Variants in FCER1A observed in about 807,000 individuals in gnomAD.
FCER1A encodes Fc epsilon receptor Ia, also known as high affinity immunoglobulin epsilon receptor subunit alpha.
Under a neutral mutation model 23.6 loss-of-function variants are expected in FCER1A, and 24 were observed. That is an observed-to-expected ratio of 1.02 (90% CI 0.74 to 1.43). The LOEUF (loss-of-function observed/expected upper bound fraction) is 1.43. FCER1A is among the 40% of genes most tolerant of loss of function. The pLI, the probability that FCER1A is intolerant of heterozygous loss-of-function variation, is 0.00. For synonymous variants in FCER1A, 121 were observed against 108.8 expected (o/e 1.11, Z -0.70); for missense variants, 318 against 294.5 (o/e 1.08, Z -0.58).
chr1:159,299,073 A>G (rs1652365088), upstream of FCER1A, among the ~76,000 whole-genome samples: 1 of 152,230 alleles, frequency 6.6e-6, no homozygotes, highest in South Asian at 2.1e-4. Flanking sequence ...CCCTGGGACA[A>G]GTTACTTAAC....
upstream of FCER1A, among the ~76,000 whole-genome samples, chr1:159,301,034 A>G (rs1245109061): frequency 6.6e-6 from 1 of 152,170 alleles, no homozygotes; most frequent in Non-Finnish European, 1.5e-5. Context: ...TAACCTTTTT[A>G]GCCCTATATT....
chr1:159,298,576 C>G (rs1209391901), upstream of FCER1A, among the ~76,000 whole-genome samples: 1 of 152,130 alleles, frequency 6.6e-6, no homozygotes, highest in Non-Finnish European at 1.5e-5. Flanking sequence ...ATCTAACAGG[C>G]AGTCAGCATC....
At chr1:159,302,820 TG>T in intron 1 of FCER1A, 33 bp from the exon 2 acceptor site, 1 of 1,606,114 alleles carries the variant, frequency 6.2e-7, no homozygotes, top group Non-Finnish European at 8.5e-7. Context: ...AGAAGACTGC[TG>T]GACACTAATG....
Position 159,303,952 on chromosome 1 carries a change from T to C in FCER1A, c.101T>C (p.Leu34Ser), listed in dbSNP as rs1652519585. 4.3e-6 allele frequency: 7 copies of C among 1,612,714 alleles called. No homozygotes were observed. Among genetic ancestry groups the C allele is most frequent in the Non-Finnish European group, 5.9e-6 (7 of 1,178,906 alleles). ...GTCCCTCAGAAACCTAAGGTCTCCT[T>C]GAACCCTCCATGGAATAGAATATTT... is the stretch of plus-strand genomic sequence containing the variant. ...LAVPQKPKVS[L>S]NPPWNRIFKG... is the part of the protein sequence containing the mutation. Residue 34 changes from leucine (L) to serine (S), a missense_variant, in exon 3 of 5, where the codon TTG (leucine) becomes TCG (serine). Coordinates refer to ENST00000693622, the MANE Select transcript of FCER1A (RefSeq NM_001387280.1).
chr1:159,299,659 A>T (rs1449953631), upstream of FCER1A, among the ~76,000 whole-genome samples: 1 of 152,150 alleles, frequency 6.6e-6, no homozygotes, highest in Admixed American at 6.5e-5. Context: ...AAATTTAGAC[A>T]CGCCCTATTG....
chr1:159,300,387 T>C (rs186339083), upstream of FCER1A, among the ~76,000 whole-genome samples: 2 of 152,212 alleles, frequency 1.3e-5, no homozygotes, highest in Non-Finnish European at 2.9e-5. Flanking sequence ...CCTGGCAAAG[T>C]CTCAACAAAC....
Position 159,308,136 on chromosome 1 carries a change from T to C in FCER1A, c.*204T>C. 1 of 437,808 alleles carries C rather than the reference T, an allele frequency of 2.3e-6. No homozygotes were observed. 27.1% of individuals were successfully genotyped at this position (437,808 alleles called of 1,614,324 possible). ...AACATTGGTTGAATAAATGAGAGAA[T>C]GAATAGATTCATTTATTAGCATTTG... On this transcript the variant is annotated 3_prime_UTR_variant, in exon 5 of 5. Coordinates refer to ENST00000693622, the MANE Select transcript of FCER1A (RefSeq NM_001387280.1).
chr1:159,298,138 C>T (rs942527882), upstream of FCER1A, among the ~76,000 whole-genome samples: 1 of 152,022 alleles, frequency 6.6e-6, no homozygotes, highest in Non-Finnish European at 1.5e-5. Flanking sequence ...CTACAAGACA[C>T]CACAAAGATG....
intron 2 of FCER1A, among the ~76,000 whole-genome samples, chr1:159,303,161 C>CATT (rs1425086254): frequency 3.3e-5 from 5 of 152,026 alleles, no homozygotes; most frequent in Non-Finnish European, 7.4e-5. Context: ...TCAATAATTA[C>CATT]ATTATTATTA....
upstream of FCER1A, chr1:159,302,166 A>G (rs921759576): frequency 1.7e-6 from 1 of 596,606 alleles, no homozygotes; most frequent in African/African-American, 1.8e-5. Flanking sequence ...TAGGGAGTGG[A>G]GTAAGTGGGT....
At chr1:159,297,903 CT>C (rs1244385068), upstream of FCER1A, among the ~76,000 whole-genome samples, 5 of 151,954 alleles carry the variant, frequency 3.3e-5, no homozygotes, top group Non-Finnish European at 4.4e-5. Context: ...AGAAGGAAAA[CT>C]TTTTTATACT....
At chr1:159,283,743 T>C in the FCER1A span, among the ~76,000 whole-genome samples, 9 of 152,202 alleles carry the variant, frequency 5.9e-5, no homozygotes, top group Admixed American at 1.3e-4. Flanking sequence ...ATTGGCTCAT[T>C]TGGCTTGAGA....
At chr1:159,285,348 T>C (rs1337373909), upstream of FCER1A, among the ~76,000 whole-genome samples, 1 of 152,234 alleles carries the variant, frequency 6.6e-6, no homozygotes, top group Non-Finnish European at 1.5e-5. Context: ...TCTTACTTTC[T>C]AGATGGCATT....
chr1:159,302,313 T>A, upstream of FCER1A: 1 of 1,306,634 alleles, frequency 7.7e-7, no homozygotes, highest in Non-Finnish European at 1.1e-6. Context: ...AAGCCTATAT[T>A]TGAAGCCTTA....
chr1:159,290,033 A>G (rs1416439421), intron 1 of FCER1A, among the ~76,000 whole-genome samples: 1 of 152,124 alleles, frequency 6.6e-6, no homozygotes, highest in Non-Finnish European at 1.5e-5. Context: ...TCTCATTTGC[A>G]GTGATTCAAA....
rs193181259 is a variant in FCER1A, at chr1:159,290,442, T to A, written c.-60+689T>A. 3.4e-4 allele frequency among the ~76,000 whole-genome samples: 52 copies of A among 152,282 alleles called. 1 individual carries two copies. Among genetic ancestry groups the A allele is most frequent in the Admixed American group, 2.9e-3 (44 of 15,280 alleles). On this transcript the variant is annotated intron_variant, in intron 1 of 5. Coordinates refer to the FCER1A transcript ENST00000368115. ...CTAGCAGTGTCAGATTCTCCATCAGTATCTTGCCTCATAAATTTTAAGTCA... is the reference window on the plus strand; with the variant it reads ...CTAGCAGTGTCAGATTCTCCATCAGAATCTTGCCTCATAAATTTTAAGTCA...
At chr1:159,284,926 C>G (rs1651979635), upstream of FCER1A, among the ~76,000 whole-genome samples, 1 of 152,174 alleles carries the variant, frequency 6.6e-6, no homozygotes, top group Non-Finnish European at 1.5e-5. Context: ...CAGGAATGCT[C>G]TTTATAATAA....
intron 3 of FCER1A, 94 bp downstream of exon 3, chr1:159,304,276 C>A: frequency 1.6e-6 from 2 of 1,260,794 alleles, no homozygotes; most frequent in East Asian, 2.3e-5. Context: ...GGTTAGGACA[C>A]CAGAGTGGGA....
rs1652674342 is a variant in FCER1A, at chr1:159,308,167, GA to G, written c.*236del. 2.5e-6 allele frequency: 1 copy of G among 407,612 alleles called. No individual in the cohort carries two copies. Among genetic ancestry groups the G allele is most frequent in the Non-Finnish European group, 4.4e-6 (1 of 229,102 alleles). 25.2% of individuals were successfully genotyped at this position (407,612 alleles called of 1,614,324 possible). ...GATTCATTTATTAGCATTTGTAAAA[GA>G]GATGTTCAATTTCAATAAAATAAAT... On this transcript the variant is annotated 3_prime_UTR_variant, in exon 5 of 5. Coordinates refer to ENST00000693622, the MANE Select transcript of FCER1A (RefSeq NM_001387280.1).
Sources: allele counts gnomAD v4.1 joint callset (sites outside exome capture counted in the v4.1 genomes callset), GRCh38; gene constraint gnomAD v4.1.1; transcripts MANE v1.5; gene names NCBI Gene and HGNC (gene_info 2026-07-23, HGNC 2026-07-21).